DLGAP1: variants seen among roughly 807,000 people sequenced by gnomAD.
DLGAP1 encodes DLG associated protein 1, also known as disks large-associated protein 1.
Under a neutral mutation model 90.8 loss-of-function variants are expected in DLGAP1, and 11 were observed. The ratio of observed to expected loss-of-function variants is 0.12; its 90% CI spans 0.08 to 0.20. The LOEUF is 0.20. Ranked by LOEUF, DLGAP1 falls within the 10% of genes least tolerant of loss-of-function variation. The pLI, the probability that DLGAP1 is intolerant of heterozygous loss-of-function variation, is 1.00. For missense variants in DLGAP1, 1,050 were observed against 1,333.8 expected, an observed-to-expected ratio of 0.79 and a Z score of 3.31; for synonymous variants, 558 against 540.7, an observed-to-expected ratio of 1.03 and a Z score of -0.44.
intron 7 of DLGAP1, among the ~76,000 whole-genome samples, chr18:3,616,613 G>A (rs2057879814): frequency 6.6e-6 from 1 of 151,878 alleles, no homozygotes; most frequent in East Asian, 1.9e-4. Context: ...AAATTAGCCT[G>A]CTGTGGTGGC....
At chr18:4,051,741 T>C (rs542754280) in intron 2 of DLGAP1, among the ~76,000 whole-genome samples, 3 of 46,930 alleles carry the variant, frequency 6.4e-5, no homozygotes, top group African/African-American at 1.5e-4. Context: ...AAAGTCCAAG[T>C]CCAAAGTCTC....
At chr18:4,076,626 TA>T (rs2075526532) in intron 2 of DLGAP1, among the ~76,000 whole-genome samples, 2 of 152,022 alleles carry the variant, frequency 1.3e-5, no homozygotes, top group African/African-American at 4.8e-5. Flanking sequence ...ATAGTATTAT[TA>T]TTATTATTTT....
At chr18:4,424,977 T>A (rs748471752) in intron 1 of DLGAP1, among the ~76,000 whole-genome samples, 1 of 148,676 alleles carries the variant, frequency 6.7e-6, no homozygotes, top group Non-Finnish European at 1.5e-5. Context: ...ATCCATTTAC[T>A]CCAACACATA....
chr18:3,677,100 CTCTGAGATTTCAACAT>C (rs2060332745), intron 7 of DLGAP1, among the ~76,000 whole-genome samples: 1 of 152,156 alleles, frequency 6.6e-6, no homozygotes, highest in Admixed American at 6.5e-5. Context: ...CTATCCCATC[CTCTGAGATTTCAACAT>C]TCATGTTTAT....
Position 4,062,070 on chromosome 18 carries a change from C to T in DLGAP1, c.-158-56869G>A, listed in dbSNP as rs2075306377. On this transcript the variant is annotated intron_variant, in intron 2 of 12. Coordinates refer to ENST00000315677, the MANE Select transcript of DLGAP1 (RefSeq NM_004746.4). ...AGTAGCCAAAGTAATCCTTGTGTGA[C>T]TTTTTGTTTAAAATATTGCTGATCC... Among the ~76,000 whole-genome samples, 3 of 152,102 alleles carry T rather than the reference C, an allele frequency of 2.0e-5. No individual in the cohort carries two copies. The South Asian group carries it at 6.2e-4, about 31-fold the overall frequency.
At chr18:4,043,429 A>G (rs1246722390) in intron 2 of DLGAP1, among the ~76,000 whole-genome samples, 1 of 152,220 alleles carries the variant, frequency 6.6e-6, no homozygotes, top group Non-Finnish European at 1.5e-5. Flanking sequence ...GCATTTATTT[A>G]TATTAAAACC....
At chr18:4,439,490 A>C (rs1331989414) in intron 1 of DLGAP1, among the ~76,000 whole-genome samples, 2 of 152,228 alleles carry the variant, frequency 1.3e-5, no homozygotes, top group Non-Finnish European at 2.9e-5. Flanking sequence ...GACAGGTTGA[A>C]TTCCTTTACA....
intron 7 of DLGAP1, among the ~76,000 whole-genome samples, chr18:3,649,168 T>C (rs1343743912): frequency 6.6e-6 from 1 of 152,162 alleles, no homozygotes; most frequent in African/African-American, 2.4e-5. Flanking sequence ...TAAAACACAA[T>C]TAATATTGAT....
At chr18:3,659,913 C>T (rs575380614) in intron 7 of DLGAP1, among the ~76,000 whole-genome samples, 8 of 152,110 alleles carry the variant, frequency 5.3e-5, no homozygotes, top group Admixed American at 2.6e-4. Flanking sequence ...CCCCTTATTC[C>T]GGACCCATTA....
chr18:3,614,991 G>A (rs1054537629), intron 7 of DLGAP1, among the ~76,000 whole-genome samples: 1 of 79,964 alleles, frequency 1.3e-5, no homozygotes, highest in Non-Finnish European at 2.4e-5. Flanking sequence ...GCACGATCTC[G>A]GCTCACCGCA....
At chr18:3,562,062 A>G (rs1023459074) in intron 9 of DLGAP1, among the ~76,000 whole-genome samples, 2 of 151,314 alleles carry the variant, frequency 1.3e-5, no homozygotes, top group Non-Finnish European at 2.9e-5. Flanking sequence ...CCCTGTCTCT[A>G]CTAAAAATAT....
chr18:3,781,667 G>A (rs1340058577), intron 5 of DLGAP1, among the ~76,000 whole-genome samples: 2 of 152,114 alleles, frequency 1.3e-5, no homozygotes, highest in Non-Finnish European at 2.9e-5. Flanking sequence ...TACCTTGTGT[G>A]TATATGTTTG....
intron 7 of DLGAP1, among the ~76,000 whole-genome samples, chr18:3,661,691 CT>C (rs1248639662): frequency 6.6e-6 from 1 of 151,746 alleles, no homozygotes; most frequent in Non-Finnish European, 1.5e-5. Flanking sequence ...ATTCTCATGC[CT>C]CAGCCTCCCA....
At chr18:3,874,820 C>T (rs1568270622) in intron 4 of DLGAP1, 26 of 1,363,162 alleles carry the variant, frequency 1.9e-5, no homozygotes, top group East Asian at 1.0e-4. Context: ...AAAAAGGAGT[C>T]CCTTTTTTTA....
Position 4,355,964 on chromosome 18 carries a change from C to A in DLGAP1, c.-267+99042G>T, listed in dbSNP as rs552940744. On this transcript the variant is annotated intron_variant, in intron 1 of 12. Coordinates refer to ENST00000315677, the MANE Select transcript of DLGAP1 (RefSeq NM_004746.4). Reference sequence around the variant, plus strand: ...TCTTGCATCTGCTCCAATCATAGCTCTGATTCTTTCACCAGCTCCCAGGAA... The same window carrying A: ...TCTTGCATCTGCTCCAATCATAGCTATGATTCTTTCACCAGCTCCCAGGAA... 2.0e-4 allele frequency among the ~76,000 whole-genome samples: 30 copies of A among 151,638 alleles called. No individual in the cohort carries two copies. In the East Asian group the frequency reaches 5.3e-3, roughly 27 times the overall value.
At chr18:4,238,677 T>C (rs779273544) in intron 1 of DLGAP1, among the ~76,000 whole-genome samples, 1 of 152,202 alleles carries the variant, frequency 6.6e-6, no homozygotes, top group Non-Finnish European at 1.5e-5. Flanking sequence ...TATATATGTA[T>C]AGCAGCACTA....
At chr18:3,663,000 C>T (rs911060463) in intron 7 of DLGAP1, among the ~76,000 whole-genome samples, 1 of 151,906 alleles carries the variant, frequency 6.6e-6, no homozygotes, top group Non-Finnish European at 1.5e-5. Flanking sequence ...GGCTGGGTGC[C>T]GTGGCTCACG....
intron 7 of DLGAP1, among the ~76,000 whole-genome samples, chr18:3,587,120 T>A (rs2055932615): frequency 6.6e-6 from 1 of 152,218 alleles, no homozygotes; most frequent in Admixed American, 6.5e-5. Context: ...AATGGTGCAA[T>A]CTCGGCTCAC....
intron 10 of DLGAP1, among the ~76,000 whole-genome samples, chr18:3,509,776 C>G (rs2050438375): frequency 6.6e-6 from 1 of 152,220 alleles, no homozygotes; most frequent in African/African-American, 2.4e-5. Context: ...AAACTCCATT[C>G]TGGCCCAGGG....
Sources: gnomAD v4.1 joint callset for allele counts (sites outside exome capture counted in the v4.1 genomes callset) on GRCh38, gnomAD v4.1.1 for gene constraint, MANE v1.5 for transcripts, NCBI Gene and HGNC (gene_info 2026-07-23, HGNC 2026-07-21) for gene names.